SLC25A13: variants seen among roughly 807,000 people sequenced by gnomAD.
The protein encoded by SLC25A13 is electrogenic aspartate/glutamate antiporter SLC25A13, mitochondrial.
In SLC25A13, 70 loss-of-function variants were observed where a neutral mutation model predicts 85.5. The ratio of observed to expected loss-of-function variants is 0.82; its 90% CI spans 0.68 to 1.00. The LOEUF (loss-of-function observed/expected upper bound fraction) is 1.00. Among genes scored for constraint, SLC25A13 ranks in the 50% least tolerant of loss-of-function variants. SLC25A13 has a pLI of 0.00. For synonymous variants in SLC25A13, 259 were observed against 288.7 expected (o/e 0.90, Z 1.04); for missense variants, 765 against 819.8 (o/e 0.93, Z 0.82).
At chr7:96,319,904 T>TA (rs1281320802) in intron 1 of SLC25A13, among the ~76,000 whole-genome samples, 1 of 152,226 alleles carries the variant, frequency 6.6e-6, no homozygotes, top group Non-Finnish European at 1.5e-5. Context: ...AATACTTAGC[T>TA]AAAAATCAAC....
At chr7:96,273,804 T>G (rs1798335446) in intron 3 of SLC25A13, among the ~76,000 whole-genome samples, 1 of 152,302 alleles carries the variant, frequency 6.6e-6, no homozygotes, top group East Asian at 1.9e-4. Flanking sequence ...AGGCAGATAA[T>G]CCATGTTGCA....
chr7:96,308,115 T>C lies in SLC25A13; in HGVS notation c.16-11164A>G, dbSNP rs1170047325. Among the ~76,000 whole-genome samples the C allele has an allele frequency of 5.6e-5, 8 of 143,152 alleles. No homozygotes were observed. The East Asian group carries it at 1.7e-3, about 30-fold the overall frequency. 93.9% of individuals were successfully genotyped at this position (143,152 alleles called of 152,430 possible). A position where few individuals can be genotyped will look rare whatever the true frequency, so the allele number is the denominator to read the frequency against. On this transcript the variant is annotated intron_variant, in intron 1 of 17. Coordinates refer to ENST00000265631, the MANE Select transcript of SLC25A13 (RefSeq NM_014251.3). Reference sequence around the variant, plus strand: ...TTGCAGTGAGCCAAGATCGTGCCACTGCACTCTAGCCTGGGCAACAAGAGC... The same window carrying C: ...TTGCAGTGAGCCAAGATCGTGCCACCGCACTCTAGCCTGGGCAACAAGAGC...
chr7:96,231,011 T>C (rs951126406), intron 4 of SLC25A13, among the ~76,000 whole-genome samples: 1 of 152,186 alleles, frequency 6.6e-6, no homozygotes, highest in Non-Finnish European at 1.5e-5. Flanking sequence ...CTTGGGAGGC[T>C]GAGGCACAAT....
rs537179889 is a variant in SLC25A13, at chr7:96,264,746, G to A, written c.212+12450C>T. Among the ~76,000 whole-genome samples, 12 of 151,092 alleles carry A rather than the reference G, an allele frequency of 7.9e-5. No individual in the cohort carries two copies. The South Asian group carries it at 1.3e-3, about 16-fold the overall frequency. ...TTTTTAATTGTAGAGACAGGGTCTC[G>A]CTATGTTAGCCAGGCTGGTCTCAAA... On this transcript the variant is annotated intron_variant, in intron 3 of 17. Coordinates refer to ENST00000265631, the MANE Select transcript of SLC25A13 (RefSeq NM_014251.3).
intron 1 of SLC25A13, among the ~76,000 whole-genome samples, chr7:96,314,101 A>T (rs1800045181): frequency 6.6e-6 from 1 of 152,072 alleles, no homozygotes; most frequent in African/African-American, 2.4e-5. Flanking sequence ...AAGAAGAAGG[A>T]AGGAGAAGGA....
At chr7:96,148,661 A>G (rs1044739978) in intron 13 of SLC25A13, among the ~76,000 whole-genome samples, 1 of 152,260 alleles carries the variant, frequency 6.6e-6, no homozygotes, top group African/African-American at 2.4e-5. Flanking sequence ...GGTTGGAATT[A>G]GCCTGAAGCC....
At chr7:96,122,593 G>T (rs1350009605) in intron 15 of SLC25A13, among the ~76,000 whole-genome samples, 1 of 152,118 alleles carries the variant, frequency 6.6e-6, no homozygotes, top group Non-Finnish European at 1.5e-5. Flanking sequence ...CGGGGAGGGG[G>T]TGAAATTGGG....
intron 4 of SLC25A13, among the ~76,000 whole-genome samples, chr7:96,231,248 T>C (rs1584487679): frequency 6.6e-6 from 1 of 151,860 alleles, no homozygotes; most frequent in East Asian, 1.9e-4. Flanking sequence ...AAACAAAAAT[T>C]GACAAATGGG....
Position 96,138,077 on chromosome 7 carries a change from T to C in SLC25A13, c.1453-6196A>G, listed in dbSNP as rs114026382. On this transcript the variant is annotated intron_variant, in intron 14 of 17. Transcript: ENST00000265631. ...AAGGTTCTACTGGTGACACACTTTC[T>C]GAGTTTTGCTAGTCTAAAAAATATC... Among the ~76,000 whole-genome samples the C allele has an allele frequency of 9.1e-3, 1,384 of 152,328 alleles. 24 individuals carry two copies. Among genetic ancestry groups the C allele is most frequent in the African/African-American group, 0.032 (1,330 of 41,576 alleles).
At chr7:96,145,665 G>A (rs930532828) in intron 14 of SLC25A13, among the ~76,000 whole-genome samples, 4 of 152,098 alleles carry the variant, frequency 2.6e-5, no homozygotes, top group Admixed American at 2.0e-4. Flanking sequence ...TACAAAGCTT[G>A]GGATAAAAAT....
At chr7:96,190,736 C>T (rs1305428509) in intron 7 of SLC25A13, among the ~76,000 whole-genome samples, 1 of 152,088 alleles carries the variant, frequency 6.6e-6, no homozygotes, top group Non-Finnish European at 1.5e-5. Flanking sequence ...CCTCAGCCTC[C>T]CAAGTAGCTG....
intron 5 of SLC25A13, among the ~76,000 whole-genome samples, chr7:96,205,719 A>G (rs1795433668): frequency 6.6e-6 from 1 of 152,222 alleles, no homozygotes; most frequent in Non-Finnish European, 1.5e-5. Context: ...AGCTCAAATA[A>G]TATCAAATTG....
intron 2 of SLC25A13, among the ~76,000 whole-genome samples, chr7:96,290,202 A>C (rs965001943): frequency 1.3e-5 from 2 of 152,184 alleles, no homozygotes; most frequent in African/African-American, 2.4e-5. Flanking sequence ...GAGAAATAAA[A>C]TACTTTACAG....
At chr7:96,175,047 CA>C (rs1794165404) in intron 11 of SLC25A13, among the ~76,000 whole-genome samples, 1 of 152,154 alleles carries the variant, frequency 6.6e-6, no homozygotes, top group Admixed American at 6.5e-5. Context: ...AGATGGGGGA[CA>C]AACCACCTAA....
intron 13 of SLC25A13, chr7:96,169,765 G>C (rs1008584427): frequency 6.5e-6 from 3 of 464,956 alleles, no homozygotes; most frequent in Non-Finnish European, 1.1e-5. Context: ...TTTTTCAAAG[G>C]CCAAACACTT....
rs192193580 is a variant in SLC25A13, at chr7:96,243,309, T to C, written c.213-8392A>G. On this transcript the variant is annotated intron_variant, in intron 3 of 17. Coordinates refer to ENST00000265631, the MANE Select transcript of SLC25A13 (RefSeq NM_014251.3). ...GATAACAAAGCAAATGTGTACCCTG[T>C]TCCTATTATATGATAAGCCATGCCC... Among the ~76,000 whole-genome samples the C allele has an allele frequency of 4.4e-3, 674 of 152,260 alleles. 4 individuals carry two copies. Among genetic ancestry groups the C allele is most frequent in the South Asian group, 0.02 (99 of 4,830 alleles).
chr7:96,145,208 T>C (rs1186096996), intron 14 of SLC25A13, among the ~76,000 whole-genome samples: 1 of 152,142 alleles, frequency 6.6e-6, no homozygotes, highest in Admixed American at 6.6e-5. Flanking sequence ...AGGCAAAATT[T>C]TCCCCTGCTA....
At chr7:96,230,535 A>AT (rs1353166411) in intron 4 of SLC25A13, among the ~76,000 whole-genome samples, 35 of 152,212 alleles carry the variant, frequency 2.3e-4, no homozygotes, top group Non-Finnish European at 2.1e-4. Context: ...GAAACATTTA[A>AT]TTTTTTCTCC....
In SLC25A13 at chr7:96,233,865, T is replaced by C. The variant is rs574109251; in HGVS notation, c.328+937A>G. Among the ~76,000 whole-genome samples, 9 of 152,334 alleles carry C rather than the reference T, an allele frequency of 5.9e-5. No homozygotes were observed. The South Asian group carries it at 1.7e-3, about 28-fold the overall frequency. ...AAACTATGAATAGAGACACTTAAAA[T>C]GGGCACATGCCAAGCACAAGACAGG... On this transcript the variant is annotated intron_variant, in intron 4 of 17. Coordinates refer to ENST00000265631, the MANE Select transcript of SLC25A13 (RefSeq NM_014251.3).
Sources: gnomAD v4.1 joint callset for allele counts (sites outside exome capture counted in the v4.1 genomes callset) on GRCh38, gnomAD v4.1.1 for gene constraint, MANE v1.5 for transcripts, NCBI Gene and HGNC (gene_info 2026-07-23, HGNC 2026-07-21) for gene names.